Variants in KANK1 observed in about 807,000 individuals in gnomAD.
KANK1 encodes KN motif and ankyrin repeat domains 1.
In KANK1, 109 loss-of-function variants were observed where a neutral mutation model predicts 106.2. The ratio of observed to expected loss-of-function variants is 1.03; its 90% CI spans 0.88 to 1.20. KANK1 has a LOEUF of 1.20. KANK1 is among the 50% of genes most tolerant of loss of function. The pLI is 0.00. For missense variants in KANK1, 2,399 were observed against 1,710.7 expected, an observed-to-expected ratio of 1.40 and a Z score of -7.10; for synonymous variants, 873 against 652.2, an observed-to-expected ratio of 1.34 and a Z score of -5.16.
intron 3 of KANK1, among the ~76,000 whole-genome samples, chr9:475,026 T>C (rs548844326): frequency 4.7e-4 from 72 of 152,010 alleles, no homozygotes; most frequent in African/African-American, 1.7e-3. Context: ...TGTTACACCG[T>C]CTCTCTCAAA....
At chr9:542,088 C>G (rs1471941330) in intron 1 of KANK1, among the ~76,000 whole-genome samples, 2 of 136,990 alleles carry the variant, frequency 1.5e-5, no homozygotes, top group African/African-American at 5.4e-5. Context: ...GACTCCGTCT[C>G]AAAAAAAAAA....
At chr9:517,639 G>A (rs2059345431) in intron 1 of KANK1, among the ~76,000 whole-genome samples, 2 of 151,588 alleles carry the variant, frequency 1.3e-5, no homozygotes, top group Non-Finnish European at 2.9e-5. Flanking sequence ...AGAAAGAGTG[G>A]GGATAATATG....
intron 1 of KANK1, among the ~76,000 whole-genome samples, chr9:536,816 C>G (rs886153111): frequency 6.6e-6 from 1 of 152,186 alleles, no homozygotes; most frequent in African/African-American, 2.4e-5. Flanking sequence ...ATTTTTCTGC[C>G]TGCCACACAT....
chr9:504,779 C>CGCGCCCCGTGCCGCGTT (rs5741687), intron 1 of KANK1, 25 bp downstream of exon 1: 1 of 140,820 alleles, frequency 7.1e-6, no homozygotes. Context: ...GGGGCCGTGC[C>CGCGCCCCGTGCCGCGTT]GCGCCCCGTG....
At chr9:735,713 G>T in intron 7 of KANK1, 1 of 436,528 alleles carries the variant, frequency 2.3e-6, no homozygotes. Flanking sequence ...CTAATACAGG[G>T]CCAGGTGCAG....
At chr9:701,230 C>T (rs1589026605) in intron 2 of KANK1, among the ~76,000 whole-genome samples, 1 of 152,132 alleles carries the variant, frequency 6.6e-6, no homozygotes, top group African/African-American at 2.4e-5. Flanking sequence ...TTTCCTGCCT[C>T]AGCCTCGCAA....
At chr9:518,722 A>C (rs1295346204) in intron 1 of KANK1, among the ~76,000 whole-genome samples, 1 of 151,452 alleles carries the variant, frequency 6.6e-6, no homozygotes, top group African/African-American at 2.5e-5. Flanking sequence ...TGTTTACTTT[A>C]GGCTAGAGGA....
chr9:504,782 G>GCCCCGAGCCGCGCTGCT (rs1554723233), intron 1 of KANK1, 28 bp downstream of exon 1: 79 of 148,120 alleles, frequency 5.3e-4, no homozygotes, highest in African/African-American at 1.9e-3. Context: ...GCCGTGCCGC[G>GCCCCGAGCCGCGCTGCT]CCCCGTGCCG....
intron 1 of KANK1, among the ~76,000 whole-genome samples, chr9:620,073 G>A (rs999771848): frequency 2.0e-5 from 3 of 151,956 alleles, no homozygotes; most frequent in Admixed American, 2.0e-4. Flanking sequence ...GGAGGCAGAG[G>A]TTGAGCCAAG....
chr9:687,433 T>C (rs572960643), intron 2 of KANK1, among the ~76,000 whole-genome samples: 12 of 152,320 alleles, frequency 7.9e-5, no homozygotes, highest in South Asian at 2.1e-4. Context: ...TTTGGACTTA[T>C]TTTGTCTGAA....
chr9:508,265 G>A (rs2058865278), intron 1 of KANK1, among the ~76,000 whole-genome samples: 1 of 150,140 alleles, frequency 6.7e-6, no homozygotes, highest in African/African-American at 2.4e-5. Context: ...AGCCTCCTGA[G>A]TAGCTGGGAT....
At chr9:599,027 T>A (rs1827050570) in intron 1 of KANK1, among the ~76,000 whole-genome samples, 1 of 149,754 alleles carries the variant, frequency 6.7e-6, no homozygotes, top group East Asian at 1.9e-4. Flanking sequence ...ATTATTTTTT[T>A]TTTTTTTTGA....
At chr9:580,310 C>T (rs1418115026) in intron 1 of KANK1, among the ~76,000 whole-genome samples, 2 of 152,056 alleles carry the variant, frequency 1.3e-5, no homozygotes, top group East Asian at 1.9e-4. Flanking sequence ...ATAAAGGCAG[C>T]GCGGACCCGA....
chr9:728,644 C>T (rs1185829890), intron 3 of KANK1, among the ~76,000 whole-genome samples: 4 of 152,172 alleles, frequency 2.6e-5, no homozygotes, highest in Non-Finnish European at 5.9e-5. Flanking sequence ...TGAAAAGAGA[C>T]ATTTACCATC....
At chr9:655,285 C>A (rs147631695) in intron 1 of KANK1, among the ~76,000 whole-genome samples, 1 of 151,440 alleles carries the variant, frequency 6.6e-6, no homozygotes, top group African/African-American at 2.4e-5. Flanking sequence ...GCAGGAGAAT[C>A]GCTTGAACCC....
intron 1 of KANK1, among the ~76,000 whole-genome samples, chr9:524,265 C>T (rs1172907984): frequency 2.0e-5 from 3 of 151,620 alleles, no homozygotes; most frequent in South Asian, 4.1e-4. Context: ...CCCTTTTCCC[C>T]AGCCTTTACT....
chr9:561,184 AG>A (rs1816326596), intron 1 of KANK1, among the ~76,000 whole-genome samples: 1 of 152,290 alleles, frequency 6.6e-6, no homozygotes, highest in South Asian at 2.1e-4. Flanking sequence ...TCTCAACTTC[AG>A]GGGGGCAGGA....
chr9:685,978 G>T (rs921419121), intron 2 of KANK1, among the ~76,000 whole-genome samples: 1 of 152,164 alleles, frequency 6.6e-6, no homozygotes, highest in Non-Finnish European at 1.5e-5. Context: ...GGCGTTTGAA[G>T]TGTTTCTGTA....
At chr9:725,480 G>A (rs1425791080) in intron 3 of KANK1, among the ~76,000 whole-genome samples, 3 of 133,810 alleles carry the variant, frequency 2.2e-5, no homozygotes, top group Admixed American at 8.2e-5. Context: ...CTGGGTGACA[G>A]AGCAAGACTC....
Sources: gnomAD v4.1 joint callset for allele counts (sites outside exome capture counted in the v4.1 genomes callset) on GRCh38, gnomAD v4.1.1 for gene constraint, MANE v1.5 for transcripts, NCBI Gene and HGNC (gene_info 2026-07-23, HGNC 2026-07-21) for gene names.